Variants in BBX observed in about 807,000 individuals in gnomAD.
BBX encodes HMG box transcription factor BBX.
Under a neutral mutation model 100.2 loss-of-function variants are expected in BBX, and 30 were observed. The ratio of observed to expected loss-of-function variants is 0.30; its 90% CI spans 0.22 to 0.41. BBX has a LOEUF of 0.41. Among genes scored for constraint, BBX ranks in the 10% least tolerant of loss-of-function variants. The pLI is 1.00. For missense variants in BBX, 1,023 were observed against 1,129.8 expected (o/e 0.91, Z 1.35); for synonymous variants, 376 against 388.1 (o/e 0.97, Z 0.37).
intron 5 of BBX, among the ~76,000 whole-genome samples, chr3:107,725,939 A>T (rs1459274482): frequency 6.6e-6 from 1 of 152,052 alleles, no homozygotes; most frequent in African/African-American, 2.4e-5. Flanking sequence ...CTTCCATTGA[A>T]ATCTTAGGAG....
intron 2 of BBX, among the ~76,000 whole-genome samples, chr3:107,639,729 T>C (rs931362937): frequency 6.6e-6 from 1 of 152,184 alleles, no homozygotes; most frequent in Non-Finnish European, 1.5e-5. Flanking sequence ...AAAAATCTTA[T>C]GGCAATGTAC....
chr3:107,528,673 A>C (rs2047942652), intron 2 of BBX, among the ~76,000 whole-genome samples: 2 of 152,224 alleles, frequency 1.3e-5, no homozygotes, highest in Admixed American at 1.3e-4. Flanking sequence ...CTTTGAATGA[A>C]AATGAGGTTG....
At chr3:107,789,554 G>A (rs1559748408) in intron 13 of BBX, among the ~76,000 whole-genome samples, 1 of 152,174 alleles carries the variant, frequency 6.6e-6, no homozygotes, top group Non-Finnish European at 1.5e-5. Context: ...GGGAGTCCCA[G>A]CCCTAATGGA....
chr3:107,561,465 G>A (rs996510938), intron 2 of BBX, among the ~76,000 whole-genome samples: 3 of 152,220 alleles, frequency 2.0e-5, no homozygotes, highest in Non-Finnish European at 2.9e-5. Context: ...TTGTAATAGG[G>A]AAAACTGGAA....
intron 3 of BBX, among the ~76,000 whole-genome samples, chr3:107,702,210 A>G (rs1026231062): frequency 2.0e-5 from 3 of 152,250 alleles, no homozygotes; most frequent in African/African-American, 4.8e-5. Context: ...TGAAACTATA[A>G]GAGAGCCAGT....
intron 3 of BBX, among the ~76,000 whole-genome samples, chr3:107,679,813 T>G (rs575886679): frequency 6.6e-6 from 1 of 152,300 alleles, no homozygotes; most frequent in South Asian, 2.1e-4. Flanking sequence ...AATTCCTTCA[T>G]GAAGACTCAT....
At chr3:107,761,416 A>G (rs2065892150) in intron 10 of BBX, among the ~76,000 whole-genome samples, 1 of 152,158 alleles carries the variant, frequency 6.6e-6, no homozygotes, top group African/African-American at 2.4e-5. Context: ...GCAGCTATGT[A>G]TGGAATGGAG....
chr3:107,779,084 T>C (rs1171547163), intron 13 of BBX, among the ~76,000 whole-genome samples: 1 of 148,184 alleles, frequency 6.7e-6, no homozygotes, highest in Non-Finnish European at 1.5e-5. Context: ...TTTAGTATAT[T>C]CATTTTCAAG....
intron 7 of BBX, among the ~76,000 whole-genome samples, chr3:107,737,886 T>TTTTTG (rs1553795811): frequency 1.1e-5 from 1 of 94,486 alleles, no homozygotes; most frequent in Non-Finnish European, 2.4e-5. Flanking sequence ...GAGTTCCAGT[T>TTTTTG]TTTTTTTTTT....
rs569427270 is a variant in BBX at position 107,713,967 on chromosome 3, CTTTTTTT to C, written c.163-2620_163-2614del. Among the ~76,000 whole-genome samples, 758 of 82,220 alleles carry C rather than the reference CTTTTTTT, an allele frequency of 9.2e-3. 1 individual carries two copies. The highest frequency in any genetic ancestry group is 0.011 in the Non-Finnish European group (433 of 38,640). 53.9% of individuals were successfully genotyped at this position (82,220 alleles called of 152,430 possible). A position where few individuals can be genotyped will look rare whatever the true frequency, so the allele number is the denominator to read the frequency against. ...TTTTAATTTTTTTAATAATTTTTTTCTTTTTTTTTTTTTTTTTTTTTTTTTTGAGACA... is the reference window on the plus strand; with the variant it reads ...TTTTAATTTTTTTAATAATTTTTTTCTTTTTTTTTTTTTTTTTTTGAGACA... On this transcript the variant is annotated intron_variant, in intron 4 of 17. Transcript: ENST00000325805.
intron 2 of BBX, among the ~76,000 whole-genome samples, chr3:107,606,069 T>C (rs1436123420): frequency 6.6e-6 from 1 of 152,230 alleles, no homozygotes; most frequent in Non-Finnish European, 1.5e-5. Context: ...GAAAATAAGC[T>C]CTTTTTCTCC....
intron 3 of BBX, among the ~76,000 whole-genome samples, chr3:107,682,272 C>T (rs2059609889): frequency 6.6e-6 from 1 of 152,116 alleles, no homozygotes; most frequent in South Asian, 2.1e-4. Context: ...GGATGATTCA[C>T]TATGATTTCT....
intron 3 of BBX, among the ~76,000 whole-genome samples, chr3:107,705,322 A>C (rs1357316609): frequency 6.6e-6 from 1 of 152,178 alleles, no homozygotes; most frequent in African/African-American, 2.4e-5. Context: ...CCAGGATTTG[A>C]GTGGAATTTC....
intron 1 of BBX, chr3:107,524,607 A>G (rs2047605590): frequency 3.8e-5 from 1 of 26,488 alleles, no homozygotes; most frequent in Non-Finnish European, 7.2e-5. Flanking sequence ...CACAACATGT[A>G]CGACAGAGGG....
At chr3:107,626,846 G>A (rs2056217534) in intron 2 of BBX, among the ~76,000 whole-genome samples, 1 of 151,848 alleles carries the variant, frequency 6.6e-6, no homozygotes, top group South Asian at 2.1e-4. Flanking sequence ...GTAGAGATGG[G>A]GTTTCATCAA....
chr3:107,561,391 C>T (rs1345574120), intron 2 of BBX, among the ~76,000 whole-genome samples: 2 of 152,072 alleles, frequency 1.3e-5, no homozygotes, highest in Non-Finnish European at 2.9e-5. Flanking sequence ...TCTATATGCC[C>T]TTGTGAAACT....
At chr3:107,596,737 T>A (rs1017735151) in intron 2 of BBX, among the ~76,000 whole-genome samples, 1 of 152,144 alleles carries the variant, frequency 6.6e-6, no homozygotes, top group African/African-American at 2.4e-5. Context: ...TGGGAAAGAG[T>A]TCCCCATTTT....
chr3:107,570,433 G>A (rs1472077292), intron 2 of BBX, among the ~76,000 whole-genome samples: 2 of 152,116 alleles, frequency 1.3e-5, no homozygotes, highest in African/African-American at 4.8e-5. Flanking sequence ...AGCATCTCAG[G>A]GTTGCTACCA....
intron 2 of BBX, among the ~76,000 whole-genome samples, chr3:107,584,672 CTTTTTTTTTTTTTTTTTTTTTTTT>C (rs58393281): frequency 1.4e-4 from 4 of 28,372 alleles, no homozygotes; most frequent in Admixed American, 6.7e-4. Context: ...CCGTTGAAAT[CTTTTTTTTTTTTTTTTTTTTTTTT>C]TTTTTTTTTT....
Sources: allele counts gnomAD v4.1 joint callset (sites outside exome capture counted in the v4.1 genomes callset), GRCh38; gene constraint gnomAD v4.1.1; transcripts MANE v1.5; gene names NCBI Gene and HGNC (gene_info 2026-07-23, HGNC 2026-07-21).